The following KIAA1210 variants were observed in gnomAD, a reference collection of about 807,000 sequenced individuals.
KIAA1210 encodes KIAA1210.
In KIAA1210, 48 loss-of-function variants were observed where a neutral mutation model predicts 78.9. That is an observed-to-expected ratio of 0.61 (90% CI 0.48 to 0.77). KIAA1210 has a LOEUF of 0.77. Ranked by LOEUF, KIAA1210 falls within the 30% of genes least tolerant of loss-of-function variation. KIAA1210 has a pLI of 0.00. For missense variants in KIAA1210, 1,108 were observed against 1,100.0 expected (o/e 1.01, Z -0.10); for synonymous variants, 406 against 404.5 (o/e 1.00, Z -0.04).
At chrX:119,143,837 C>A (rs1929104414) in intron 2 of KIAA1210, among the ~76,000 whole-genome samples, 1 of 112,320 alleles carries the variant, frequency 8.9e-6, no homozygotes, top group Non-Finnish European at 1.9e-5. Flanking sequence ...AGGTAGGAAT[C>A]ATCTCCATTT....
rs780795002 is a variant in KIAA1210, at chrX:119,086,534, T to A, written c.4156+12A>T. The A allele has an allele frequency of 2.5e-6, 3 of 1,185,249 alleles. No individual in the cohort carries two copies. The South Asian group carries it at 5.8e-5, about 23-fold the overall frequency. ...GATATCTGCTTGCCATCTGGAGAGA[T>A]AAAAGCCTTACCTGGGGTCTTGCAA... is the stretch of plus-strand genomic sequence containing the variant. On this transcript the variant is annotated intron_variant, in intron 9 of 11. Coordinates refer to ENST00000691062, the MANE Select transcript of KIAA1210 (RefSeq NM_001394962.1).
intron 2 of KIAA1210, among the ~76,000 whole-genome samples, chrX:119,147,280 A>C (rs1929190376): frequency 9.0e-6 from 1 of 111,471 alleles, no homozygotes; most frequent in African/African-American, 3.3e-5. Flanking sequence ...GAATGCATGG[A>C]TCCTCAGAAT....
At position 119,087,979 on chromosome X, in the gene KIAA1210, T is replaced by C; in HGVS notation, c.2723A>G (p.Tyr908Cys). ...SSPVAPTPSK[Y>C]TSPPWVTPKF... The stretch of plus-strand genomic sequence containing the variant: ...AGGGGTCACCCATGGCGGGGAAGTG[T>C]ATTTGGAAGGTGTTGGTGCCACAGG... The change falls in exon 9 of 12, where the codon TAC becomes TGC. Residue 908 changes from tyrosine to cysteine, a missense_variant. Physicochemically the swap from Tyr to Cys is radical, Grantham distance 194 (BLOSUM62 -2). Coordinates refer to ENST00000691062, the MANE Select transcript of KIAA1210 (RefSeq NM_001394962.1). 1 of 1,210,931 alleles carries C rather than the reference T, an allele frequency of 8.3e-7. No homozygotes were observed. Among genetic ancestry groups the C allele is most frequent in the African/African-American group, 1.7e-5 (1 of 57,571 alleles).
intron 2 of KIAA1210, among the ~76,000 whole-genome samples, chrX:119,121,752 A>AT (rs1178663110): frequency 9.1e-6 from 1 of 110,372 alleles, no homozygotes; most frequent in African/African-American, 3.3e-5. Context: ...AAAGAAATTT[A>AT]TTTTTTTAGT....
At position 119,087,659 on chromosome X, in the gene KIAA1210, G is replaced by A. The variant is rs1328367756; in HGVS notation, c.3043C>T (p.Arg1015Cys). ...GTSNKSPIPRRPTQSFVKFMA... is the reference protein window; with the variant it reads ...GTSNKSPIPRCPTQSFVKFMA... ...AATTTCACGAATGACTGGGTCGGAC[G>A]CCTGGGAATCGGTGATTTGTTAGAA... The change falls in exon 9 of 12, where the codon CGT (arginine) becomes TGT (cysteine). Residue 1015 changes from arginine to cysteine, a missense_variant. Coordinates refer to ENST00000691062, the MANE Select transcript of KIAA1210 (RefSeq NM_001394962.1). 4 of 1,211,268 alleles carry A rather than the reference G, an allele frequency of 3.3e-6. No homozygotes were observed. Among genetic ancestry groups the A allele is most frequent in the African/African-American group, 3.5e-5 (2 of 57,746 alleles).
intron 6 of KIAA1210, among the ~76,000 whole-genome samples, chrX:119,099,835 T>C (rs1927678815): frequency 8.9e-6 from 1 of 111,775 alleles, no homozygotes; most frequent in African/African-American, 3.3e-5. Context: ...AAATGAGTCT[T>C]CCAGGAGCCA....
intron 3 of KIAA1210, among the ~76,000 whole-genome samples, chrX:119,113,218 G>A (rs1928138049): frequency 9.0e-6 from 1 of 111,141 alleles, no homozygotes; most frequent in Admixed American, 9.7e-5. Context: ...AATGGGTACA[G>A]GAGTTTATTT....
In KIAA1210 at chrX:119,109,014, T is replaced by C. The variant is rs1239185142; in HGVS notation, c.357+62A>G. ...CCCACTCCTTTTAATTTTGGCAGGG[T>C]TAGAGTAGGGAACAGAAGAGAAGTA... On this transcript the variant is annotated intron_variant, in intron 4 of 11. Coordinates refer to ENST00000691062, the MANE Select transcript of KIAA1210 (RefSeq NM_001394962.1). 27 of 1,154,578 alleles carry C rather than the reference T, an allele frequency of 2.3e-5. No homozygotes were observed. In the Admixed American group the frequency reaches 5.1e-4, roughly 22 times the overall value.
In KIAA1210 at chrX:119,089,529, G is replaced by A. The variant is rs758145611; in HGVS notation, c.1173C>T (p.Gly391=). 9.1e-6 allele frequency: 11 copies of A among 1,211,186 alleles called. No homozygotes were observed. In the Admixed American group the frequency reaches 1.1e-4, roughly 12 times the overall value. ...LKQSSEGYGL[G]DRAGSSPTNK... is the part of the protein sequence containing the mutation. ...TGGTAGGTGAAGACCCAGCTCTATC[G>A]CCCAGGCCATACCCTTCACTGGATT... Residue 391 remains glycine, a synonymous_variant, in exon 9 of 12, where the codon GGC becomes GGT. Transcript: ENST00000691062.
rs1362506913 is a variant in KIAA1210 at position 119,108,281 on chromosome X, A to T, written c.492+56T>A. On this transcript the variant is annotated intron_variant, in intron 5 of 11. Transcript: ENST00000691062. ...TAAGTAGCAGAGTAGGAATTCAAGC[A>T]TAGATCTGTCTTTCTGACTCAGCTG... is the stretch of plus-strand genomic sequence containing the variant. The T allele has an allele frequency of 9.9e-6, 11 of 1,108,577 alleles. No homozygotes were observed. The East Asian group carries it at 3.3e-4, about 34-fold the overall frequency. The allele number at this position is 1,108,577 out of a possible 1,213,427, so 91.4% of individuals were successfully genotyped here.
At position 119,087,322 on chromosome X, in the gene KIAA1210, TTCC is replaced by T. The variant is rs776770658; in HGVS notation, c.3377_3379del (p.Arg1126del). ...GGAGACTTTTTGCTCATACTCAGGT[TTCC>T]TCAAGGCCTGGGAAAGCTGCCTGGG... On this transcript the variant is annotated inframe_deletion, in exon 9 of 12. Transcript: ENST00000691062. The T allele has an allele frequency of 8.3e-7, 1 of 1,209,362 alleles. No individual in the cohort carries two copies. The highest frequency in any genetic ancestry group is 1.1e-6 in the Non-Finnish European group (1 of 894,985).
intron 2 of KIAA1210, among the ~76,000 whole-genome samples, chrX:119,137,758 T>G (rs1928948224): frequency 8.9e-6 from 1 of 112,439 alleles, no homozygotes; most frequent in Non-Finnish European, 1.9e-5. Flanking sequence ...TCTTCCAATG[T>G]GGCCCAGGGA....
intron 2 of KIAA1210, among the ~76,000 whole-genome samples, chrX:119,133,935 T>C (rs749606820): frequency 9.0e-6 from 1 of 111,459 alleles, no homozygotes; most frequent in Non-Finnish European, 1.9e-5. Flanking sequence ...AATCATCAAG[T>C]CGGTATTTAG....
chrX:119,097,101 G>A (rs1927580807), intron 6 of KIAA1210, among the ~76,000 whole-genome samples: 1 of 111,666 alleles, frequency 9.0e-6, no homozygotes, highest in Admixed American at 9.5e-5. Flanking sequence ...CAGAGCTCTG[G>A]GATTTCTATA....
rs977606595 is a variant in KIAA1210, at chrX:119,096,643, C to T, written c.697G>A (p.Ala233Thr). Reference sequence around the variant, plus strand: ...CTGGTAGAGGCAAGTGTGGCAAATGCAGTCAAGGACTGTGAGCAATCAGGT... The same window carrying T: ...CTGGTAGAGGCAAGTGTGGCAAATGTAGTCAAGGACTGTGAGCAATCAGGT... ...SGPDCSQSLTAFATLASTSST... is the reference protein window; with the variant it reads ...SGPDCSQSLTTFATLASTSST... The change falls in exon 7 of 12, where the codon GCA becomes ACA. Residue 233 changes from alanine to threonine, a missense_variant. Ala to Thr is a moderately conservative substitution (Grantham distance 58). Transcript: ENST00000691062. 5.8e-6 allele frequency: 7 copies of T among 1,209,462 alleles called. No individual in the cohort carries two copies. The highest frequency in any genetic ancestry group is 7.8e-6 in the Non-Finnish European group (7 of 894,297).
chrX:119,125,733 A>ATTT (rs1322949232), intron 1 of KIAA1210, among the ~76,000 whole-genome samples: 2 of 7,597 alleles, frequency 2.6e-4, no homozygotes, highest in African/African-American at 4.0e-4. Flanking sequence ...ATATATATAT[A>ATTT]TATTTTTTTT....
intron 6 of KIAA1210, among the ~76,000 whole-genome samples, chrX:119,097,804 G>T (rs1054708862): frequency 9.0e-6 from 1 of 111,716 alleles, no homozygotes; most frequent in Admixed American, 9.5e-5. Context: ...ATTCAGTTTT[G>T]GATTCAGGGA....
At chrX:119,122,054 G>T (rs1928480493) in intron 2 of KIAA1210, among the ~76,000 whole-genome samples, 1 of 84,484 alleles carries the variant, frequency 1.2e-5, no homozygotes, top group African/African-American at 4.4e-5. Context: ...GAGCCAGCGC[G>T]CCCGGCATTT....
rs779507949 is a variant in KIAA1210 at position 119,087,451 on chromosome X, T to A, written c.3251A>T (p.His1084Leu). The A allele has an allele frequency of 1.7e-6, 2 of 1,209,905 alleles. No individual in the cohort carries two copies. The highest frequency in any genetic ancestry group is 2.2e-6 in the Non-Finnish European group (2 of 894,651). Residue 1084 changes from histidine to leucine, a missense_variant, in exon 9 of 12, where the codon CAC becomes CTC. Physicochemically the swap from His to Leu is moderately conservative, Grantham distance 99. Around this residue, in one of 5 missense-constraint regions of KIAA1210, gnomAD observed 179 missense variants for 174.1 expected, o/e 1.03. Transcript: ENST00000691062. ...AGGCCTCCCCAAGGACTGTAAAGGG[T>A]GCTTCATAGGTAGCATCTTTGAAGA... The part of the protein sequence containing the change: ...GISSKMLPMK[H>L]PLQSLGRPED...
Sources: allele counts gnomAD v4.1 joint callset (sites outside exome capture counted in the v4.1 genomes callset), GRCh38; gene constraint gnomAD v4.1.1; regional missense constraint gnomAD v4.1.1; transcripts MANE v1.5; gene names NCBI Gene and HGNC (gene_info 2026-07-23, HGNC 2026-07-21).